ARHGAP26: variants seen among roughly 807,000 people sequenced by gnomAD.
The protein encoded by ARHGAP26 is Rho GTPase activating protein 26.
A neutral mutation model predicts 104.8 loss-of-function variants in ARHGAP26; 38 were observed. The observed-to-expected ratio is 0.36, with a 90% CI of 0.28 to 0.48. The LOEUF is 0.48. Ranked by LOEUF, ARHGAP26 falls within the 20% of genes least tolerant of loss-of-function variation. The pLI, the probability that ARHGAP26 is intolerant of heterozygous loss-of-function variation, is 0.99. For missense variants in ARHGAP26, 704 were observed against 947.9 expected, an observed-to-expected ratio of 0.74 and a Z score of 3.38; for synonymous variants, 341 against 340.0, an observed-to-expected ratio of 1.00 and a Z score of -0.03.
intron 11 of ARHGAP26, among the ~76,000 whole-genome samples, chr5:142,945,445 T>TAC (rs1766960952): frequency 6.6e-6 from 1 of 152,240 alleles, no homozygotes; most frequent in Non-Finnish European, 1.5e-5. Context: ...CTAGGTTAAC[T>TAC]ACTGCCCAGT....
chr5:143,066,489 C>T (rs1403518759), intron 17 of ARHGAP26, among the ~76,000 whole-genome samples: 1 of 152,186 alleles, frequency 6.6e-6, no homozygotes, highest in East Asian at 1.9e-4. Flanking sequence ...GAGTGCCTGG[C>T]ACATAATACA....
At chr5:142,804,423 C>T (rs976267264) in intron 1 of ARHGAP26, among the ~76,000 whole-genome samples, 2 of 152,226 alleles carry the variant, frequency 1.3e-5, no homozygotes, top group African/African-American at 4.8e-5. Context: ...CATTGGCTCA[C>T]TCACTGAATG....
chr5:142,998,744 C>CA (rs1167897614), intron 11 of ARHGAP26, among the ~76,000 whole-genome samples: 35 of 149,242 alleles, frequency 2.3e-4, no homozygotes, highest in East Asian at 9.8e-4. Flanking sequence ...AAAAAAAGAA[C>CA]AAAAAAAAAG....
At chr5:143,072,061 A>G (rs1788352936) in intron 17 of ARHGAP26, among the ~76,000 whole-genome samples, 1 of 152,134 alleles carries the variant, frequency 6.6e-6, no homozygotes, top group Non-Finnish European at 1.5e-5. Flanking sequence ...AGGAACTCAA[A>G]CATCTCAACA....
intron 6 of ARHGAP26, among the ~76,000 whole-genome samples, chr5:142,899,888 G>A (rs577277775): frequency 6.6e-6 from 1 of 152,312 alleles, no homozygotes; most frequent in Admixed American, 6.5e-5. Context: ...GAGCACTTGC[G>A]GGTATGCCCA....
intron 17 of ARHGAP26, 94 bp from the exon 18 acceptor site, chr5:143,120,894 T>A (rs971288733): frequency 7.8e-7 from 1 of 1,287,778 alleles, no homozygotes; most frequent in Non-Finnish European, 1.1e-6. Context: ...AGATGAGGAG[T>A]CTATAAATAG....
At chr5:142,853,047 G>A (rs1751801807) in intron 1 of ARHGAP26, among the ~76,000 whole-genome samples, 1 of 152,190 alleles carries the variant, frequency 6.6e-6, no homozygotes, top group Non-Finnish European at 1.5e-5. Flanking sequence ...GATGAGGGGA[G>A]GCCAGAGAGT....
rs1473028073 is a variant in ARHGAP26, at chr5:142,963,209, TGTGTGTGTGTGCGC to T, written c.1107+31096_1107+31109del. Among the ~76,000 whole-genome samples, 11 of 110,106 alleles carry T rather than the reference TGTGTGTGTGTGCGC, an allele frequency of 1.0e-4. 1 individual carries two copies. In the East Asian group the frequency reaches 2.7e-3, roughly 27 times the overall value. The allele number at this position is 110,106 out of a possible 152,430, so 72.2% of individuals were successfully genotyped here. A position where few individuals can be genotyped will look rare whatever the true frequency, so the allele number is the denominator to read the frequency against. ...ATATATATATATATATGTGTGTGTG[TGTGTGTGTGTGCGC>T]GTGTGTGTGTGTACCACATTTTCTT... On this transcript the variant is annotated intron_variant, in intron 11 of 22. Transcript: ENST00000645722.
chr5:142,770,694 G>C lies in ARHGAP26; in HGVS notation c.-68G>C, dbSNP rs2151780161. On this transcript the variant is annotated 5_prime_UTR_variant, in exon 1 of 23. Transcript: ENST00000645722. ...AGCCGGCCGGGGTCCCGCCGCGTGA[G>C]TGCTCTGGGCGGCGGGCGGCCCGGG... The C allele has an allele frequency of 9.4e-7, 1 of 1,059,718 alleles. No homozygotes were observed. The highest frequency in any genetic ancestry group is 4.4e-5 in the South Asian group (1 of 22,688). 65.6% of individuals were successfully genotyped at this position (1,059,718 alleles called of 1,614,324 possible). A position where few individuals can be genotyped will look rare whatever the true frequency, so the allele number is the denominator to read the frequency against.
At chr5:143,141,968 A>AT (rs527668029) in intron 19 of ARHGAP26, among the ~76,000 whole-genome samples, 56 of 152,082 alleles carry the variant, frequency 3.7e-4, no homozygotes, top group African/African-American at 1.2e-3. Flanking sequence ...TTTTATTGGC[A>AT]TTTTTTCCCT....
In ARHGAP26 at chr5:143,023,521, A is replaced by AT. The variant is rs1401263893; in HGVS notation, c.1144+9408dup. Among the ~76,000 whole-genome samples the AT allele has an allele frequency of 3.2e-4, 48 of 152,054 alleles. 1 individual carries two copies. The South Asian group carries it at 9.0e-3, about 28-fold the overall frequency. ...AAAGCAGCAGAGGGCAGAAAAGAGG[A>AT]TTTGTTTTTCTTTTGCTTCTAGTCA... On this transcript the variant is annotated intron_variant, in intron 12 of 22. Transcript: ENST00000645722.
intron 12 of ARHGAP26, among the ~76,000 whole-genome samples, chr5:143,020,632 CTTTTTTTTTTTT>C (rs11357774): frequency 1.1e-4 from 7 of 61,708 alleles, no homozygotes; most frequent in African/African-American, 4.8e-4. Context: ...TGCTCTAGTG[CTTTTTTTTTTTT>C]TTTTTTTTTT....
At chr5:142,773,411 G>C (rs1597554131) in intron 1 of ARHGAP26, among the ~76,000 whole-genome samples, 2 of 152,068 alleles carry the variant, frequency 1.3e-5, no homozygotes, top group East Asian at 1.9e-4. Context: ...ACTTGGTTTT[G>C]AGTGTTAATC....
intron 11 of ARHGAP26, among the ~76,000 whole-genome samples, chr5:142,966,952 T>G (rs959973400): frequency 6.6e-6 from 1 of 152,164 alleles, no homozygotes; most frequent in African/African-American, 2.4e-5. Context: ...ATGAAAAATA[T>G]ATGAGGATGT....
intron 20 of ARHGAP26, among the ~76,000 whole-genome samples, chr5:143,179,682 G>A (rs1419906420): frequency 6.6e-6 from 1 of 152,244 alleles, no homozygotes; most frequent in Non-Finnish European, 1.5e-5. Flanking sequence ...CTTGTCTGAA[G>A]TAATTTGCTC....
At chr5:143,102,783 T>C (rs547134511) in intron 17 of ARHGAP26, among the ~76,000 whole-genome samples, 4 of 152,346 alleles carry the variant, frequency 2.6e-5, no homozygotes, top group South Asian at 2.1e-4. Context: ...TCCTCCTCCT[T>C]CTCCTTATCA....
At chr5:142,798,386 A>T (rs1761413438) in intron 1 of ARHGAP26, among the ~76,000 whole-genome samples, 1 of 152,092 alleles carries the variant, frequency 6.6e-6, no homozygotes, top group Non-Finnish European at 1.5e-5. Context: ...TTTATGTCTC[A>T]GCTCAAATGC....
chr5:143,116,123 G>A (rs1434730170), intron 17 of ARHGAP26, among the ~76,000 whole-genome samples: 3 of 152,142 alleles, frequency 2.0e-5, no homozygotes, highest in Non-Finnish European at 4.4e-5. Context: ...GTATTGCTTG[G>A]TAAAATATAC....
chr5:142,942,198 T>G (rs1766458628), intron 11 of ARHGAP26, among the ~76,000 whole-genome samples: 1 of 152,202 alleles, frequency 6.6e-6, no homozygotes, highest in South Asian at 2.1e-4. Context: ...TGGTTTATCT[T>G]GACACATATT....
Sources: allele counts gnomAD v4.1 joint callset (sites outside exome capture counted in the v4.1 genomes callset), GRCh38; gene constraint gnomAD v4.1.1; transcripts MANE v1.5; gene names NCBI Gene and HGNC (gene_info 2026-07-23, HGNC 2026-07-21).